MED15: variants seen among roughly 807,000 people sequenced by gnomAD.
MED15 encodes mediator of RNA polymerase II transcription subunit 15.
A neutral mutation model predicts 118.7 loss-of-function variants in MED15; 41 were observed. That is an observed-to-expected ratio of 0.35 (90% CI 0.27 to 0.45). MED15 has a LOEUF of 0.45. Ranked by LOEUF, MED15 falls within the 20% of genes least tolerant of loss-of-function variation. The probability of loss-of-function intolerance (pLI) is 1.00; values close to 1 mark genes in which losing one functional copy is unlikely to be tolerated. For synonymous variants in MED15, 436 were observed against 413.9 expected (o/e 1.05, Z -0.65); for missense variants, 740 against 1,025.5 (o/e 0.72, Z 3.80).
At chr22:20,557,966 C>A (rs165855) in intron 5 of MED15, among the ~76,000 whole-genome samples, 1 of 151,960 alleles carries the variant, frequency 6.6e-6, no homozygotes, top group Non-Finnish European at 1.5e-5. Flanking sequence ...ATTAGCCGGG[C>A]GTAGTGGTGG....
intron 1 of MED15, chr22:20,519,067 T>G (rs1007266563): frequency 5.9e-6 from 2 of 338,140 alleles, no homozygotes; most frequent in African/African-American, 4.4e-5. Context: ...TTGTCCAGGC[T>G]GGTCTCCAAC....
At chr22:20,508,872 C>G (rs955579567) in intron 1 of MED15, among the ~76,000 whole-genome samples, 3 of 152,154 alleles carry the variant, frequency 2.0e-5, no homozygotes, top group Admixed American at 2.0e-4. Flanking sequence ...GTGCTCGCCA[C>G]AGATTTGCCT....
intron 9 of MED15, among the ~76,000 whole-genome samples, chr22:20,581,235 T>C (rs2056972186): frequency 6.6e-6 from 1 of 152,202 alleles, no homozygotes; most frequent in Admixed American, 6.5e-5. Context: ...AGCATTTCGC[T>C]CCAGGAGCTT....
rs755874905 is a variant in MED15, at chr22:20,568,553, A to G, written c.1074A>G (p.Pro358=). Residue 358 remains proline, a synonymous_variant, in exon 8 of 18, where the codon CCA becomes CCG. Transcript: ENST00000263205. The stretch of plus-strand genomic sequence containing the variant: ...CTCCGATGGTGGTGCAGCAGCCCCC[A>G]GTGCAGCCCCAGGTGCAGCAGCAGC... ...VRAPMVVQQP[P]VQPQVQQQQT... is the part of the protein sequence containing the mutation. 2 of 1,613,734 alleles carry G rather than the reference A, an allele frequency of 1.2e-6. No homozygotes were observed. The highest frequency in any genetic ancestry group is 1.3e-5 in the African/African-American group (1 of 74,906).
At chr22:20,509,490 G>A (rs1250831142) in intron 1 of MED15, among the ~76,000 whole-genome samples, 2 of 151,848 alleles carry the variant, frequency 1.3e-5, no homozygotes, top group African/African-American at 4.8e-5. Flanking sequence ...GATTATAAAG[G>A]CCTGCATTAG....
chr22:20,567,503 G>A (rs1473290864), intron 7 of MED15, among the ~76,000 whole-genome samples: 3 of 152,168 alleles, frequency 2.0e-5, no homozygotes, highest in Non-Finnish European at 4.4e-5. Flanking sequence ...AAGTGTGGGG[G>A]TGAACAAGAG....
chr22:20,513,282 CTT>C (rs361904), intron 1 of MED15, among the ~76,000 whole-genome samples: 4,428 of 127,026 alleles, frequency 0.035, 206 homozygotes, highest in African/African-American at 0.11. Context: ...CTTTTTCTTT[CTT>C]TTTTTTTTTT....
chr22:20,518,501 C>T (rs971991086), intron 1 of MED15, among the ~76,000 whole-genome samples: 1 of 152,186 alleles, frequency 6.6e-6, no homozygotes, highest in Non-Finnish European at 1.5e-5. Flanking sequence ...TCATCCCCTC[C>T]AGATGACCCC....
rs1445171677 is a variant in MED15, at chr22:20,566,673, C to G, written c.897C>G (p.His299Gln). 6.2e-7 allele frequency: 1 copy of G among 1,614,174 alleles called. No individual in the cohort carries two copies. The change falls in exon 7 of 18, where the codon CAC becomes CAG. Residue 299 changes from histidine to glutamine, a missense_variant. By Grantham distance (24) the His-to-Gln change is conservative (BLOSUM62 0). Coordinates refer to ENST00000263205, the MANE Select transcript of MED15 (RefSeq NM_001003891.3). ...QLQQMHHTQH[H>Q]QPPPQPQQPP... is the part of the protein sequence containing the mutation. Reference sequence around the variant, plus strand: ...AGCAGATGCATCACACACAGCACCACCAGCCGCCACCACAGCCCCAGCAGC... The same window carrying G: ...AGCAGATGCATCACACACAGCACCAGCAGCCGCCACCACAGCCCCAGCAGC...
At position 20,587,415 on chromosome 22, in the gene MED15, C is replaced by T. The variant is rs1461861087; in HGVS notation, c.*711C>T. On this transcript the variant is annotated 3_prime_UTR_variant, in exon 18 of 18. Transcript: ENST00000263205. Reference sequence around the variant, plus strand: ...ACTGTGAAGGATGAAGAGCAAGGCCCTCAGGACCCGTGTCCTCAGAGCACC... The same window carrying T: ...ACTGTGAAGGATGAAGAGCAAGGCCTTCAGGACCCGTGTCCTCAGAGCACC... 5.9e-6 allele frequency: 1 copy of T among 170,766 alleles called. No homozygotes were observed. The highest frequency in any genetic ancestry group is 2.4e-5 in the African/African-American group (1 of 42,038). The allele number at this position is 170,766 out of a possible 1,614,324, so 10.6% of individuals were successfully genotyped here.
chr22:20,507,697 G>C lies in MED15; in HGVS notation c.19G>C (p.Glu7Gln). ...AACAGGCATGGACGTTTCCGGGCAA[G>C]AGACCGACTGGCGGAGCACCGCCTT... is the stretch of plus-strand genomic sequence containing the variant. The part of the protein sequence containing the change: MDVSGQ[E>Q]TDWRSTAFRQ... The change falls in exon 1 of 18, where the codon GAG becomes CAG. Residue 7 changes from glutamate (E) to glutamine (Q), a missense_variant. By Grantham distance (29) the Glu-to-Gln change is conservative. This residue lies in a region of MED15 where 23 missense variants were observed against 20.2 expected (regional missense o/e 1.14). Coordinates refer to ENST00000263205, the MANE Select transcript of MED15 (RefSeq NM_001003891.3). 1.2e-6 allele frequency: 2 copies of C among 1,614,094 alleles called. No homozygotes were observed. The highest frequency in any genetic ancestry group is 1.7e-6 in the Non-Finnish European group (2 of 1,179,946).
intron 4 of MED15, 88 bp downstream of exon 4, chr22:20,553,262 G>C: frequency 1.5e-6 from 2 of 1,363,690 alleles, no homozygotes; most frequent in Admixed American, 3.6e-5. Flanking sequence ...CATGTGCCTG[G>C]GTTAACCTGT....
intron 9 of MED15, among the ~76,000 whole-genome samples, chr22:20,575,495 C>A (rs177426): frequency 0.4 from 61,194 of 151,638 alleles, 12,635 homozygotes; most frequent in East Asian, 0.52. Flanking sequence ...AATAAAACAG[C>A]AGCTAAGCAA....
At chr22:20,532,166 G>C (rs930586968) in intron 1 of MED15, among the ~76,000 whole-genome samples, 1 of 152,202 alleles carries the variant, frequency 6.6e-6, no homozygotes, top group Admixed American at 6.5e-5. Flanking sequence ...GGGAACGGGA[G>C]ACAGAGGCCC....
chr22:20,544,535 C>A (rs996332168), intron 2 of MED15, among the ~76,000 whole-genome samples: 9 of 152,080 alleles, frequency 5.9e-5, no homozygotes, highest in African/African-American at 2.2e-4. Flanking sequence ...GGCGTGGTGG[C>A]GGGCGCCTGG....
chr22:20,549,524 C>T (rs538200897), intron 2 of MED15, among the ~76,000 whole-genome samples: 5 of 152,110 alleles, frequency 3.3e-5, no homozygotes, highest in African/African-American at 4.8e-5. Context: ...GGATCAGAGG[C>T]GCAGTTTCAG....
At chr22:20,569,242 G>A (rs1439077014) in intron 8 of MED15, among the ~76,000 whole-genome samples, 8 of 152,310 alleles carry the variant, frequency 5.3e-5, no homozygotes, top group Non-Finnish European at 1.5e-5. Flanking sequence ...AGTGTCCTGG[G>A]ATTGGAGGCC....
rs165788 is a variant in MED15 at position 20,563,017 on chromosome 22, C to A, written c.452-1433C>A. Among the ~76,000 whole-genome samples the A allele has an allele frequency of 2.0e-5, 3 of 150,778 alleles. No individual in the cohort carries two copies. In the East Asian group the frequency reaches 6.0e-4, roughly 30 times the overall value. On this transcript the variant is annotated intron_variant, in intron 5 of 17. Coordinates refer to ENST00000263205, the MANE Select transcript of MED15 (RefSeq NM_001003891.3). ...TACCACTTCAGTCCAGACTGGGCAA[C>A]AGAGTGAGACCCCACCTCAAAAAAA...
chr22:20,512,108 C>T (rs879936460), intron 1 of MED15, among the ~76,000 whole-genome samples: 8 of 151,018 alleles, frequency 5.3e-5, no homozygotes, highest in Non-Finnish European at 1.0e-4. Context: ...CCCACTGTAG[C>T]CTTCTGAGTA....
Sources: allele counts gnomAD v4.1 joint callset (sites outside exome capture counted in the v4.1 genomes callset), GRCh38; gene constraint gnomAD v4.1.1; regional missense constraint gnomAD v4.1.1; transcripts MANE v1.5; gene names NCBI Gene and HGNC (gene_info 2026-07-23, HGNC 2026-07-21).